NEK5: variants seen among roughly 807,000 people sequenced by gnomAD.
NEK5 encodes serine/threonine-protein kinase Nek5.
A neutral mutation model predicts 109.2 loss-of-function variants in NEK5; 88 were observed. That is an observed-to-expected ratio of 0.81 (90% confidence interval 0.68 to 0.96). The LOEUF (loss-of-function observed/expected upper bound fraction) is 0.96, where lower values mean the gene tolerates loss of function less well. NEK5 is among the 40% of genes least tolerant of loss of function. NEK5 has a pLI of 0.00. For synonymous variants in NEK5, 283 were observed against 299.9 expected (o/e 0.94, Z 0.58); for missense variants, 834 against 920.7 (o/e 0.91, Z 1.22).
chr13:52,055,211 C>G (rs1000763940), intron 22 of NEK5, among the ~76,000 whole-genome samples: 106 of 151,884 alleles, frequency 7.0e-4, no homozygotes, highest in Non-Finnish European at 1.1e-3. Flanking sequence ...GATGGAAGAT[C>G]AAATGAATGA....
rs1260991134 is a variant in NEK5, at chr13:52,086,352, C to T, written c.1404G>A (p.Lys468=). 6.2e-7 allele frequency: 1 copy of T among 1,609,876 alleles called. No individual in the cohort carries two copies. The highest frequency in any genetic ancestry group is 1.3e-5 in the African/African-American group (1 of 74,824). Residue 468 remains lysine (K), a synonymous_variant, in exon 16 of 24, where the codon AAG becomes AAA. Coordinates refer to ENST00000684899, the MANE Select transcript of NEK5 (RefSeq NM_001365552.1). The stretch of plus-strand genomic sequence containing the variant: ...ACTGTTGGCGTATTTCCTCTAACTG[C>T]TTCCAATATTCCTGGAAAGCAAACC... ...KNEMKEQEYW[K]QLEEIRQQYH...
At chr13:52,108,835 C>T (rs564950660) in intron 7 of NEK5, among the ~76,000 whole-genome samples, 171 of 152,298 alleles carry the variant, frequency 1.1e-3, no homozygotes, top group Middle Eastern at 0.01. Flanking sequence ...TCTTTCCACA[C>T]ATATTTTTCA....
chr13:52,046,375 G>T (rs1566726988), intron 23 of NEK5, among the ~76,000 whole-genome samples: 1 of 150,916 alleles, frequency 6.6e-6, no homozygotes, highest in Non-Finnish European at 1.5e-5. Context: ...CACTCAGGAG[G>T]CTGAGAGGCA....
chr13:52,080,280 C>T (rs1255299633), intron 17 of NEK5, among the ~76,000 whole-genome samples: 2 of 145,618 alleles, frequency 1.4e-5, no homozygotes, highest in Middle Eastern at 3.7e-3. Context: ...GGGGGTCAGC[C>T]CCCCGCCCGG....
At position 52,110,586 on chromosome 13, in the gene NEK5, A is replaced by G. The variant is rs376303566; in HGVS notation, c.313-9T>C. ...ACAAACCAACCGAGGATCTATAGAGAGAACACAAAACAAAGCCACTGAATA... is the reference window on the plus strand; with the variant it reads ...ACAAACCAACCGAGGATCTATAGAGGGAACACAAAACAAAGCCACTGAATA... On this transcript the variant is annotated splice_polypyrimidine_tract_variant and intron_variant, in intron 5 of 23. Transcript: ENST00000684899. 6.3e-7 allele frequency: 1 copy of G among 1,589,112 alleles called. No individual in the cohort carries two copies. Among genetic ancestry groups the G allele is most frequent in the Non-Finnish European group, 8.6e-7 (1 of 1,159,924 alleles).
intron 17 of NEK5, among the ~76,000 whole-genome samples, chr13:52,079,743 GTC>G (rs1179248123): frequency 6.6e-6 from 1 of 151,276 alleles, no homozygotes; most frequent in Admixed American, 6.6e-5. Context: ...AGTGAGGAGC[GTC>G]TCTGCCCGGC....
chr13:52,083,245 C>G lies in NEK5; in HGVS notation c.1572+15G>C. 6.4e-7 allele frequency: 1 copy of G among 1,559,626 alleles called. No individual in the cohort carries two copies. Among genetic ancestry groups the G allele is most frequent in the Non-Finnish European group, 8.8e-7 (1 of 1,130,466 alleles). On this transcript the variant is annotated intron_variant, in intron 17 of 23. Coordinates refer to ENST00000684899, the MANE Select transcript of NEK5 (RefSeq NM_001365552.1). ...CACACTGCAAGCACACACATCTGAT[C>G]ATAGCCATCATTACCTGCACAGGTG...
chr13:52,057,124 C>T (rs1188164564), intron 22 of NEK5, among the ~76,000 whole-genome samples: 5 of 151,686 alleles, frequency 3.3e-5, no homozygotes, highest in Non-Finnish European at 5.9e-5. Context: ...ATATCACCAC[C>T]AATCCCACAG....
intron 13 of NEK5, among the ~76,000 whole-genome samples, chr13:52,089,961 C>CA (rs199938730): frequency 0.11 from 15,101 of 137,608 alleles, 725 homozygotes; most frequent in Admixed American, 0.13. Flanking sequence ...GACTCCATCT[C>CA]AAAAAAAAAA....
At chr13:52,058,092 A>T (rs1954578218) in intron 22 of NEK5, among the ~76,000 whole-genome samples, 1 of 151,118 alleles carries the variant, frequency 6.6e-6, no homozygotes, top group South Asian at 2.1e-4. Context: ...CTGATAAGCA[A>T]CTTCAGCAAA....
chr13:52,056,337 C>T (rs560918712), intron 22 of NEK5, among the ~76,000 whole-genome samples: 2 of 152,258 alleles, frequency 1.3e-5, no homozygotes, highest in Admixed American at 1.3e-4. Flanking sequence ...GACTCTCACA[C>T]ATTAATAATG....
At chr13:52,106,269 A>T (rs1158926544) in intron 8 of NEK5, among the ~76,000 whole-genome samples, 3 of 151,896 alleles carry the variant, frequency 2.0e-5, no homozygotes, top group African/African-American at 4.8e-5. Flanking sequence ...TTTGCCTTCC[A>T]TTTATCTCCT....
In NEK5 at chr13:52,102,247, C is replaced by G. The variant is rs779139655; in HGVS notation, c.655G>C (p.Ala219Pro). The G allele has an allele frequency of 6.2e-7, 1 of 1,614,150 alleles. No homozygotes were observed. Among genetic ancestry groups the G allele is most frequent in the Non-Finnish European group, 8.5e-7 (1 of 1,180,020 alleles). The change falls in exon 10 of 24, where the codon GCA becomes CCA. Residue 219 changes from alanine (A) to proline (P), a missense_variant. Coordinates refer to ENST00000684899, the MANE Select transcript of NEK5 (RefSeq NM_001365552.1). ...CCCGGAGATATTGGGGCAAAATGTG[C>G]TTGACAAATCTTCAGAACCAGCTGC... The part of the protein sequence containing the change: ...LQQLVLKICQ[A>P]HFAPISPGFS...
chr13:52,063,525 C>T lies in NEK5; in HGVS notation c.1976-1572G>A, dbSNP rs370398355. ...CTGGGAAGTGAGGAGCGTCTCTGCC[C>T]GGCCGCCCATCGTCTGGGACGTGAG... On this transcript the variant is annotated intron_variant, in intron 21 of 23. Transcript: ENST00000684899. 6.9e-3 allele frequency among the ~76,000 whole-genome samples: 1,044 copies of T among 152,106 alleles called. 3 individuals carry two copies. The highest frequency in any genetic ancestry group is 0.033 in the East Asian group (172 of 5,142).
At chr13:52,077,744 C>T (rs1451646244) in intron 17 of NEK5, among the ~76,000 whole-genome samples, 2 of 151,968 alleles carry the variant, frequency 1.3e-5, no homozygotes, top group Non-Finnish European at 2.9e-5. Flanking sequence ...ATGTATTTAC[C>T]CAAAAGAAAG....
chr13:52,050,689 G>A (rs999876017), intron 22 of NEK5, among the ~76,000 whole-genome samples: 3 of 138,536 alleles, frequency 2.2e-5, no homozygotes, highest in Non-Finnish European at 4.7e-5. Context: ...GGACTAGATT[G>A]AAGATAGCAC....
At chr13:52,074,761 T>C (rs1466078937) in intron 19 of NEK5, among the ~76,000 whole-genome samples, 3 of 152,068 alleles carry the variant, frequency 2.0e-5, no homozygotes, top group Non-Finnish European at 4.4e-5. Flanking sequence ...CCAGACTCTA[T>C]AAGGAACTTA....
intron 21 of NEK5, among the ~76,000 whole-genome samples, chr13:52,063,715 C>T (rs1429225934): frequency 6.6e-6 from 1 of 151,876 alleles, no homozygotes; most frequent in Non-Finnish European, 1.5e-5. Flanking sequence ...AGCGCCTCTG[C>T]CCGGCCGCGA....
At chr13:52,072,992 TC>T (rs1485591671) in intron 19 of NEK5, among the ~76,000 whole-genome samples, 1 of 152,214 alleles carries the variant, frequency 6.6e-6, no homozygotes, top group African/African-American at 2.4e-5. Flanking sequence ...CTGTATTTAC[TC>T]CTTGCTGTGG....
Sources: allele counts gnomAD v4.1 joint callset (sites outside exome capture counted in the v4.1 genomes callset), GRCh38; gene constraint gnomAD v4.1.1; transcripts MANE v1.5; gene names NCBI Gene and HGNC (gene_info 2026-07-23, HGNC 2026-07-21).